PPP1R14A: variants seen among roughly 807,000 people sequenced by gnomAD.
The protein encoded by PPP1R14A is protein phosphatase 1 regulatory inhibitor subunit 14A, also known as protein phosphatase 1 regulatory subunit 14A.
Under a neutral mutation model 14.1 loss-of-function variants are expected in PPP1R14A, and 9 were observed. The observed-to-expected ratio is 0.64, with a 90% CI of 0.38 to 1.11. PPP1R14A has a LOEUF of 1.11. PPP1R14A is among the 50% of genes most tolerant of loss of function. PPP1R14A has a pLI of 0.01. For synonymous variants in PPP1R14A, 93 were observed against 88.7 expected (o/e 1.05, Z -0.27); for missense variants, 208 against 200.7 (o/e 1.04, Z -0.22).
intron 1 of PPP1R14A, among the ~76,000 whole-genome samples, chr19:38,255,341 C>CTGGT (rs1189031081): frequency 6.6e-6 from 1 of 152,186 alleles, no homozygotes; most frequent in Non-Finnish European, 1.5e-5. Context: ...GTTGCCCAGG[C>CTGGT]TGGTGTTGAA....
chr19:38,253,468 C>T (rs1968213425), intron 1 of PPP1R14A, among the ~76,000 whole-genome samples: 2 of 152,136 alleles, frequency 1.3e-5, no homozygotes, highest in East Asian at 3.9e-4. Context: ...TGGGCCAGCC[C>T]CCAGAGGGCC....
At chr19:38,255,572 C>T (rs1452579341) in intron 1 of PPP1R14A, among the ~76,000 whole-genome samples, 1 of 151,882 alleles carries the variant, frequency 6.6e-6, no homozygotes, top group Non-Finnish European at 1.5e-5. Context: ...TGGCCCATGC[C>T]GCTGTGTCTG....
Position 38,251,239 on chromosome 19 carries a change from A to AT in PPP1R14A, c.*78dup, listed in dbSNP as rs890920701. 7.9e-7 allele frequency: 1 copy of AT among 1,273,542 alleles called. No homozygotes were observed. Among genetic ancestry groups the AT allele is most frequent in the Non-Finnish European group, 1.0e-6 (1 of 983,930 alleles). 78.9% of individuals were successfully genotyped at this position (1,273,542 alleles called of 1,614,324 possible). ...GGAGGAAAAACAGCCACACAGTGTT[A>AT]TTGTTACAGAACCATTAAATACAAC... On this transcript the variant is annotated 3_prime_UTR_variant, in exon 4 of 4. Transcript: ENST00000301242.
chr19:38,256,014 C>T lies in PPP1R14A; in HGVS notation c.201+125G>A. On this transcript the variant is annotated intron_variant, in intron 1 of 3. Transcript: ENST00000301242. The surrounding 1 kb of genome is among the most constrained non-coding windows in gnomAD (Gnocchi z 5.7). ...AATGAGTGCCCGGCCCTGGGGCGCT[C>T]GTCCTCTTGTGCAGACCAGGCTGGC... 1.1e-6 allele frequency: 1 copy of T among 877,244 alleles called. No individual in the cohort carries two copies. Among genetic ancestry groups the T allele is most frequent in the Non-Finnish European group, 1.7e-6 (1 of 594,662 alleles). 54.3% of individuals were successfully genotyped at this position (877,244 alleles called of 1,614,324 possible).
At chr19:38,255,148 C>T (rs979145437) in intron 1 of PPP1R14A, among the ~76,000 whole-genome samples, 6 of 151,254 alleles carry the variant, frequency 4.0e-5, no homozygotes, top group African/African-American at 1.2e-4. Flanking sequence ...TTTTGAGACA[C>T]GGTCTCGCTC....
intron 1 of PPP1R14A, among the ~76,000 whole-genome samples, chr19:38,255,026 C>T (rs889331947): frequency 2.0e-5 from 3 of 151,322 alleles, no homozygotes; most frequent in African/African-American, 4.9e-5. Flanking sequence ...TCAGGTGATC[C>T]GCCCGCCTCG....
rs1968185434 is a variant in PPP1R14A, at chr19:38,251,275, G to A, written c.*43C>T. 2 of 1,402,740 alleles carry A rather than the reference G, an allele frequency of 1.4e-6. No individual in the cohort carries two copies. The highest frequency in any genetic ancestry group is 1.8e-6 in the Non-Finnish European group (2 of 1,085,866). 86.9% of individuals were successfully genotyped at this position (1,402,740 alleles called of 1,614,324 possible). A position where few individuals can be genotyped will look rare whatever the true frequency, so the allele number is the denominator to read the frequency against. ...ACCATTAAATACAACTTATACACAA[G>A]CAAGCTGGGCGGCGTCCGGGGGGCA... On this transcript the variant is annotated 3_prime_UTR_variant, in exon 4 of 4. Coordinates refer to ENST00000301242, the MANE Select transcript of PPP1R14A (RefSeq NM_033256.3).
At chr19:38,253,728 G>A (rs990961406) in intron 1 of PPP1R14A, among the ~76,000 whole-genome samples, 4 of 152,202 alleles carry the variant, frequency 2.6e-5, no homozygotes, top group South Asian at 4.1e-4. Context: ...TCCGGCTGTC[G>A]GCTTCAGGCC....
chr19:38,253,190 G>A, intron 1 of PPP1R14A: 1 of 528,220 alleles, frequency 1.9e-6, no homozygotes, highest in Non-Finnish European at 3.4e-6. Flanking sequence ...CCCTGTACCA[G>A]CCCGATGCCT....
At position 38,252,309 on chromosome 19, in the gene PPP1R14A, G is replaced by A. The variant is rs139659393; in HGVS notation, c.312C>T (p.Val104=). 276 of 1,612,070 alleles carry A rather than the reference G, an allele frequency of 1.7e-4. 1 individual carries two copies. In the African/African-American group the frequency reaches 2.7e-3, roughly 16 times the overall value. The part of the protein sequence containing the change: ...QGLLKSCGKP[V]EDFIQELLAK... ...GAATGAGGGAGAGAAAACTCACCTCGACAGGTTTCCCACATGACTTCAGGA... is the reference window on the plus strand; with the variant it reads ...GAATGAGGGAGAGAAAACTCACCTCAACAGGTTTCCCACATGACTTCAGGA... Residue 104 remains valine (V), a synonymous_variant, in exon 3 of 4, where the codon GTC becomes GTT. Transcript: ENST00000301242. This position sits in a 1 kb window ranked among gnomAD's most constrained non-coding sequence, Gnocchi z 4.1.
In PPP1R14A at chr19:38,256,182, T is replaced by C; in HGVS notation, c.158A>G (p.Glu53Gly). Reference protein sequence around the residue: ...RRELQRRLDVEKWIDGRLEEL... With the variant: ...RRELQRRLDVGKWIDGRLEEL... ...CTCCAGGCGCCCGTCGATCCACTTC[T>C]CCACGTCCAGCCGCCGCTGCAGCTC... The change falls in exon 1 of 4, where the codon GAG becomes GGG. Residue 53 changes from glutamate (E) to glycine (G), a missense_variant. Physicochemically the swap from Glu to Gly is moderately conservative, Grantham distance 98. Coordinates refer to ENST00000301242, the MANE Select transcript of PPP1R14A (RefSeq NM_033256.3). The surrounding 1 kb of genome is among the most constrained non-coding windows in gnomAD (Gnocchi z 5.7). 1 of 1,548,446 alleles carries C rather than the reference T, an allele frequency of 6.5e-7. No individual in the cohort carries two copies. The highest frequency in any genetic ancestry group is 8.7e-7 in the Non-Finnish European group (1 of 1,151,416).
rs1968244283 is a variant in PPP1R14A, at chr19:38,256,067, C to T, written c.201+72G>A. 3 of 1,382,894 alleles carry T rather than the reference C, an allele frequency of 2.2e-6. No homozygotes were observed. The highest frequency in any genetic ancestry group is 4.5e-5 in the Admixed American group (2 of 44,812). The allele number at this position is 1,382,894 out of a possible 1,614,324, so 85.7% of individuals were successfully genotyped here. On this transcript the variant is annotated intron_variant, in intron 1 of 3. Transcript: ENST00000301242. This position sits in a 1 kb window ranked among gnomAD's most constrained non-coding sequence, Gnocchi z 5.7. Reference sequence around the variant, plus strand: ...TGCACCAGCGAGTGTGCACCGAGACCCCAAGGGCGTGGGGTCTCCGCGCCC... The same window carrying T: ...TGCACCAGCGAGTGTGCACCGAGACTCCAAGGGCGTGGGGTCTCCGCGCCC...
At chr19:38,254,834 C>T (rs1968228937) in intron 1 of PPP1R14A, among the ~76,000 whole-genome samples, 1 of 152,112 alleles carries the variant, frequency 6.6e-6, no homozygotes, top group South Asian at 2.1e-4. Flanking sequence ...GCTCTTGTTG[C>T]CCAGGCTGGA....
Position 38,251,272 on chromosome 19 carries a change from C to T in PPP1R14A, c.*46G>A. The T allele has an allele frequency of 7.2e-7, 1 of 1,397,926 alleles. No homozygotes were observed. Among genetic ancestry groups the T allele is most frequent in the Non-Finnish European group, 9.2e-7 (1 of 1,083,506 alleles). The allele number at this position is 1,397,926 out of a possible 1,614,324, so 86.6% of individuals were successfully genotyped here. On this transcript the variant is annotated 3_prime_UTR_variant, in exon 4 of 4. Transcript: ENST00000301242. ...AGAACCATTAAATACAACTTATACACAAGCAAGCTGGGCGGCGTCCGGGGG... is the reference window on the plus strand; with the variant it reads ...AGAACCATTAAATACAACTTATACATAAGCAAGCTGGGCGGCGTCCGGGGG...
In PPP1R14A at chr19:38,256,098, C is replaced by CT. The variant is rs1304674439; in HGVS notation, c.201+40dup. 1.3e-6 allele frequency: 2 copies of CT among 1,507,746 alleles called. No individual in the cohort carries two copies. The highest frequency in any genetic ancestry group is 1.8e-6 in the Non-Finnish European group (2 of 1,130,078). 93.4% of individuals were successfully genotyped at this position (1,507,746 alleles called of 1,614,324 possible). A position where few individuals can be genotyped will look rare whatever the true frequency, so the allele number is the denominator to read the frequency against. On this transcript the variant is annotated intron_variant, in intron 1 of 3. Transcript: ENST00000301242. This position sits in a 1 kb window ranked among gnomAD's most constrained non-coding sequence, Gnocchi z 5.7. ...GGCGTGGGGTCTCCGCGCCCGGGCT[C>CT]TATCTGTCCCCGACCACCCCCGAGC...
In PPP1R14A at chr19:38,256,168, C is replaced by T; in HGVS notation, c.172G>A (p.Gly58Arg). 1.9e-6 allele frequency: 3 copies of T among 1,549,320 alleles called. No homozygotes were observed. The highest frequency in any genetic ancestry group is 2.6e-6 in the Non-Finnish European group (3 of 1,152,070). ...RRLDVEKWID[G>R]RLEELYRGME... ...CCGCGGTACAGCTCCTCCAGGCGCC[C>T]GTCGATCCACTTCTCCACGTCCAGC... The change falls in exon 1 of 4, where the codon GGG (glycine) becomes AGG (arginine). Residue 58 changes from glycine (G) to arginine (R), a missense_variant. Physicochemically the swap from Gly to Arg is moderately radical, Grantham distance 125 (BLOSUM62 -2). Transcript: ENST00000301242. This position sits in a 1 kb window ranked among gnomAD's most constrained non-coding sequence, Gnocchi z 5.7.
intron 3 of PPP1R14A, 44 bp from the exon 4 acceptor site, chr19:38,251,490 G>A (rs1968189745): frequency 2.0e-6 from 3 of 1,513,476 alleles, no homozygotes; most frequent in Non-Finnish European, 2.6e-6. Context: ...ACAGTGCGGG[G>A]GCACCCTCTG....
In PPP1R14A at chr19:38,252,383, C is replaced by A; in HGVS notation, c.283-45G>T. On this transcript the variant is annotated intron_variant, in intron 2 of 3. Coordinates refer to ENST00000301242, the MANE Select transcript of PPP1R14A (RefSeq NM_033256.3). The surrounding 1 kb of genome is among the most constrained non-coding windows in gnomAD (Gnocchi z 4.1). ...ACAAAACAAAACAGTAAATGACTAA[C>A]ACCTACTCCCCTCCAGCCCCTTCCC... 1 of 1,589,218 alleles carries A rather than the reference C, an allele frequency of 6.3e-7. No homozygotes were observed. The highest frequency in any genetic ancestry group is 8.6e-7 in the Non-Finnish European group (1 of 1,161,502).
chr19:38,251,850 C>T, intron 3 of PPP1R14A: 1 of 336,172 alleles, frequency 3.0e-6, no homozygotes, highest in Non-Finnish European at 5.4e-6. Context: ...ACGTTTGTCC[C>T]TAGAGCTAGT....
Sources: allele counts gnomAD v4.1 joint callset (sites outside exome capture counted in the v4.1 genomes callset), GRCh38; gene constraint gnomAD v4.1.1; non-coding constraint Gnocchi (gnomAD v3.1); transcripts MANE v1.5; gene names NCBI Gene and HGNC (gene_info 2026-07-23, HGNC 2026-07-21).